The following SLC17A8 variants were observed in gnomAD, a reference collection of about 807,000 sequenced individuals.
SLC17A8 encodes the protein vesicular glutamate transporter 3.
Under a neutral mutation model 58.0 loss-of-function variants are expected in SLC17A8, and 31 were observed. The observed-to-expected ratio is 0.53, with a 90% CI of 0.40 to 0.72. The LOEUF (loss-of-function observed/expected upper bound fraction) is 0.72. Among genes scored for constraint, SLC17A8 ranks in the 30% least tolerant of loss-of-function variants. The pLI is 0.00. For synonymous variants in SLC17A8, 228 were observed against 249.0 expected (o/e 0.92, Z 0.79); for missense variants, 655 against 727.8 (o/e 0.90, Z 1.15).
In SLC17A8 at chr12:100,420,053, G is replaced by A; in HGVS notation, c.1664G>A (p.Cys555Tyr). The part of the protein sequence containing the change: ...KMSYGATSQN[C>Y]EVQKKEWKGQ... ...TCTTATGGAGCCACCTCCCAGAATTGTGAAGTCCAGAAGAAGGAATGGAAA... is the reference window on the plus strand; with the variant it reads ...TCTTATGGAGCCACCTCCCAGAATTATGAAGTCCAGAAGAAGGAATGGAAA... Residue 555 changes from cysteine to tyrosine, a missense_variant, in exon 12 of 12, where the codon TGT (cysteine) becomes TAT (tyrosine). Transcript: ENST00000323346. The A allele has an allele frequency of 6.2e-7, 1 of 1,614,158 alleles. No homozygotes were observed. Among genetic ancestry groups the A allele is most frequent in the Non-Finnish European group, 8.5e-7 (1 of 1,180,002 alleles).
Position 100,416,537 on chromosome 12 carries a change from GT to G in SLC17A8, c.1298-1481del, listed in dbSNP as rs58618796. ...AAAAATGTTTTAAGTCCTATTTTCA[GT>G]TTTTTTTTTTGCACAGAATAGAGAA... On this transcript the variant is annotated intron_variant, in intron 10 of 11. Transcript: ENST00000323346. Among the ~76,000 whole-genome samples, 836 of 146,514 alleles carry G rather than the reference GT, an allele frequency of 5.7e-3. 11 individuals are homozygous for G. The highest frequency in any genetic ancestry group is 0.018 in the African/African-American group (746 of 40,398).
intron 10 of SLC17A8, among the ~76,000 whole-genome samples, chr12:100,415,830 G>C (rs759823599): frequency 2.6e-5 from 4 of 152,192 alleles, no homozygotes; most frequent in Non-Finnish European, 5.9e-5. Context: ...ACCAAAGTGT[G>C]GTTTAACTTG....
chr12:100,383,348 G>A lies in SLC17A8; in HGVS notation c.354+2395G>A, dbSNP rs140560911. On this transcript the variant is annotated intron_variant, in intron 2 of 11. Transcript: ENST00000323346. ...AGAAACTGATTAAAATCTGAAATAT[G>A]GTTTAAATTTTTTTCCTCTGGACTC... Among the ~76,000 whole-genome samples, 54 of 152,260 alleles carry A rather than the reference G, an allele frequency of 3.5e-4. No homozygotes were observed. The East Asian group carries it at 4.8e-3, about 14-fold the overall frequency.
Position 100,419,818 on chromosome 12 carries a change from C to T in SLC17A8, c.1429C>T (p.Arg477Cys), listed in dbSNP as rs142178994. The T allele has an allele frequency of 3.2e-5, 52 of 1,613,030 alleles. No individual in the cohort carries two copies. The highest frequency in any genetic ancestry group is 2.7e-4 in the African/African-American group (20 of 74,890). Residue 477 changes from arginine (R) to cysteine (C), a missense_variant, in exon 12 of 12, where the codon CGT becomes TGT. Physicochemically the swap from Arg to Cys is radical, Grantham distance 180 (BLOSUM62 -3). Transcript: ENST00000323346. ...GGCACTTTATTTCCTTATTTAGACC[C>T]GTGAAGAATGGCAGAATGTGTTCCT... ...IVGAMTRHKT[R>C]EEWQNVFLIA... is the part of the protein sequence containing the mutation.
At chr12:100,361,176 C>T (rs1168053943) in intron 1 of SLC17A8, among the ~76,000 whole-genome samples, 18 of 152,208 alleles carry the variant, frequency 1.2e-4, no homozygotes, top group Admixed American at 1.2e-3. Context: ...AGTCAGATCA[C>T]ATCTCACCCC....
At chr12:100,406,034 C>T (rs939532154) in intron 9 of SLC17A8, among the ~76,000 whole-genome samples, 2 of 152,128 alleles carry the variant, frequency 1.3e-5, no homozygotes, top group Non-Finnish European at 2.9e-5. Flanking sequence ...CAAAGCCTCA[C>T]CCTTCTAATG....
At chr12:100,381,861 T>A (rs1952640186) in intron 2 of SLC17A8, among the ~76,000 whole-genome samples, 1 of 152,186 alleles carries the variant, frequency 6.6e-6, no homozygotes, top group South Asian at 2.1e-4. Flanking sequence ...TAACATTTAC[T>A]CTGATTTTAA....
intron 9 of SLC17A8, among the ~76,000 whole-genome samples, chr12:100,407,589 T>G (rs1294456077): frequency 7.0e-6 from 1 of 143,668 alleles, no homozygotes; most frequent in Non-Finnish European, 1.6e-5. Context: ...TATATATATT[T>G]TTTTTGTTTG....
intron 2 of SLC17A8, among the ~76,000 whole-genome samples, chr12:100,384,734 C>T (rs1484626271): frequency 1.3e-5 from 2 of 152,118 alleles, no homozygotes; most frequent in Non-Finnish European, 2.9e-5. Flanking sequence ...TGTCCTCCAC[C>T]CTGAGGAGGG....
chr12:100,405,261 T>C (rs1952819257), intron 9 of SLC17A8, among the ~76,000 whole-genome samples: 1 of 152,212 alleles, frequency 6.6e-6, no homozygotes, highest in Non-Finnish European at 1.5e-5. Flanking sequence ...AGGCCTGCTA[T>C]CTGGTGGGCA....
chr12:100,389,804 G>GTATTAT (rs144239177), intron 2 of SLC17A8, among the ~76,000 whole-genome samples: 43,124 of 142,210 alleles, frequency 0.3, 7,627 homozygotes, highest in Non-Finnish European at 0.38. Flanking sequence ...GGCTAGATTT[G>GTATTAT]TATTATTATT....
intron 9 of SLC17A8, among the ~76,000 whole-genome samples, chr12:100,407,497 CTAGAAGGCATATG>C (rs2136010154): frequency 1.3e-5 from 2 of 152,220 alleles, no homozygotes; most frequent in South Asian, 4.2e-4. Flanking sequence ...TCTGCAGAAA[CTAGAAGGCATATG>C]TGGAATCTTT....
intron 10 of SLC17A8, among the ~76,000 whole-genome samples, chr12:100,415,108 C>G (rs757629406): frequency 2.6e-5 from 4 of 152,216 alleles, no homozygotes; most frequent in Non-Finnish European, 5.9e-5. Flanking sequence ...AAGTCACAAT[C>G]TGAAGGAGAG....
Position 100,381,568 on chromosome 12 carries a change from CAG to C in SLC17A8, c.354+637_354+638del, listed in dbSNP as rs112159680. On this transcript the variant is annotated intron_variant, in intron 2 of 11. Coordinates refer to ENST00000323346, the MANE Select transcript of SLC17A8 (RefSeq NM_139319.3). The stretch of plus-strand genomic sequence containing the variant: ...ACTGTGAAGGACTGTAAGAAAGAGA[CAG>C]AGAGAGAGAGAGAGAGAGAGAACGT... 6.4e-3 allele frequency among the ~76,000 whole-genome samples: 955 copies of C among 148,748 alleles called. 44 individuals carry two copies. In the East Asian group the frequency reaches 0.12, roughly 19 times the overall value.
rs11296057 is a variant in SLC17A8, at chr12:100,373,577, C to CTTT, written c.102-7103_102-7101dup. On this transcript the variant is annotated intron_variant, in intron 1 of 11. Coordinates refer to ENST00000323346, the MANE Select transcript of SLC17A8 (RefSeq NM_139319.3). The stretch of plus-strand genomic sequence containing the variant: ...TTCATATATGGACACAAATCAGTGA[C>CTTT]TTTTTTTTTTTTTTTTTTTTTTTCC... Among the ~76,000 whole-genome samples the CTTT allele has an allele frequency of 1.1e-3, 99 of 87,620 alleles. 1 individual carries two copies. The highest frequency in any genetic ancestry group is 1.4e-3 in the African/African-American group (33 of 23,218). The allele number at this position is 87,620 out of a possible 152,430, so 57.5% of individuals were successfully genotyped here.
intron 1 of SLC17A8, among the ~76,000 whole-genome samples, chr12:100,358,794 GATAGCTTAATTGGCTT>G (rs1385857742): frequency 6.6e-6 from 1 of 152,158 alleles, no homozygotes; most frequent in East Asian, 1.9e-4. Context: ...TAATAAGCAC[GATAGCTTAATTGGCTT>G]ATTCAAGTAA....
rs1225420854 is a variant in SLC17A8, at chr12:100,409,143, CGTTAT to C, written c.1187-3624_1187-3620del. Among the ~76,000 whole-genome samples, 10 of 140,782 alleles carry C rather than the reference CGTTAT, an allele frequency of 7.1e-5. No homozygotes were observed. The East Asian group carries it at 1.3e-3, about 18-fold the overall frequency. The allele number at this position is 140,782 out of a possible 152,430, so 92.4% of individuals were successfully genotyped here. ...CTTTCCTTTGCATTAATTCATTAAA[CGTTAT>C]GTATGTATGTATGTATGTATGTATG... On this transcript the variant is annotated intron_variant, in intron 9 of 11. Coordinates refer to ENST00000323346, the MANE Select transcript of SLC17A8 (RefSeq NM_139319.3).
Position 100,402,417 on chromosome 12 carries a change from A to G in SLC17A8, c.841A>G (p.Asn281Asp). The change falls in exon 7 of 12, where the codon AAT (asparagine) becomes GAT (aspartate). Residue 281 changes from asparagine to aspartate, a missense_variant. Asn to Asp is a conservative substitution (Grantham distance 23). Coordinates refer to ENST00000323346, the MANE Select transcript of SLC17A8 (RefSeq NM_139319.3). ...CCCAGCAGCTCATCCAACAATATCC[A>G]ATGAGGAGAAGACCTATATAGAGAC... ...ECPAAHPTISNEEKTYIETSI... is the reference protein window; with the variant it reads ...ECPAAHPTISDEEKTYIETSI... 1 of 1,614,146 alleles carries G rather than the reference A, an allele frequency of 6.2e-7. No homozygotes were observed.
intron 1 of SLC17A8, among the ~76,000 whole-genome samples, chr12:100,362,331 A>G (rs1048506658): frequency 2.0e-5 from 3 of 152,160 alleles, no homozygotes; most frequent in Non-Finnish European, 4.4e-5. Context: ...TGTGTTTGGC[A>G]CTGAGGTGGT....
Sources: allele counts gnomAD v4.1 joint callset (sites outside exome capture counted in the v4.1 genomes callset), GRCh38; gene constraint gnomAD v4.1.1; transcripts MANE v1.5; gene names NCBI Gene and HGNC (gene_info 2026-07-23, HGNC 2026-07-21).